Variants in MYO15B observed in about 807,000 individuals in gnomAD.
MYO15B encodes the protein myosin XVB pseudogene.
In MYO15B, 207 loss-of-function variants were observed where a neutral mutation model predicts 119.3. The observed-to-expected ratio is 1.73, with a 90% CI of 1.55 to 1.95. The LOEUF (loss-of-function observed/expected upper bound fraction) is 1.95. MYO15B is among the 30% of genes most tolerant of loss of function. The probability of loss-of-function intolerance (pLI) is 0.00; values close to 1 mark genes in which losing one functional copy is unlikely to be tolerated. For synonymous variants in MYO15B, 966 were observed against 498.9 expected (o/e 1.94, Z -12.48); for missense variants, 2,264 against 1,203.1 (o/e 1.88, Z -13.04).
At chr17:75,621,283 G>T in intron 50 of MYO15B, 62 bp from the exon 51 acceptor site, 1 of 667,164 alleles carries the variant, frequency 1.5e-6, no homozygotes, top group Non-Finnish European at 2.8e-6. Flanking sequence ...TCCCTGCCTG[G>T]CTGGCTGGGA....
chr17:75,615,275 C>T (rs201021990), exon 34 of MYO15B: 19 of 702,576 alleles, frequency 2.7e-5, no homozygotes, highest in Non-Finnish European at 4.7e-5. Context: ...TGCATACCAG[C>T]CAGGCATGGT....
At chr17:75,625,745 C>T (rs987497833) in intron 61 of MYO15B, 85 bp downstream of exon 61, 9 of 701,088 alleles carry the variant, frequency 1.3e-5, no homozygotes, top group Middle Eastern at 6.6e-4. Context: ...GAGGGGTCTG[C>T]GCCTGCCCTG....
At chr17:75,617,060 G>T (rs575044907) in intron 40 of MYO15B, 25 bp from the exon 41 acceptor site, 2 of 686,714 alleles carry the variant, frequency 2.9e-6, no homozygotes, top group Non-Finnish European at 5.4e-6. Context: ...GACTCAGCCC[G>T]TGTACTTTCT....
rs1240811684 is a variant in MYO15B, at chr17:75,620,235, C to T, written c.7444-11C>T. 1.4e-6 allele frequency: 1 copy of T among 702,610 alleles called. No individual in the cohort carries two copies. The highest frequency in any genetic ancestry group is 2.0e-5 in the Admixed American group (1 of 50,018). The allele number at this position is 702,610 out of a possible 1,614,324, so 43.5% of individuals were successfully genotyped here. On this transcript the variant is annotated splice_polypyrimidine_tract_variant and intron_variant, in intron 47 of 63. Transcript: ENST00000645453. ...ACTTGCTGCTCCAGGCCCTCGCCTG[C>T]TTGCCCACAGGACTCCGGCTATGTC... is the stretch of plus-strand genomic sequence containing the variant.
chr17:75,620,383 C>T (rs990125544), intron 48 of MYO15B, 26 bp downstream of exon 48: 7 of 702,770 alleles, frequency 1.0e-5, no homozygotes, highest in African/African-American at 1.7e-5. Flanking sequence ...GGCAGGGGCT[C>T]ACACAGGGAG....
At chr17:75,598,920 C>T (rs889225311) in intron 14 of MYO15B, among the ~76,000 whole-genome samples, 3 of 152,064 alleles carry the variant, frequency 2.0e-5, no homozygotes, top group East Asian at 3.8e-4. Context: ...TTTCTGAGTC[C>T]GAGGTGGGTG....
chr17:75,622,510 A>G (rs2058767391), intron 53 of MYO15B, among the ~76,000 whole-genome samples: 1 of 152,172 alleles, frequency 6.6e-6, no homozygotes, highest in African/African-American at 2.4e-5. Flanking sequence ...TGGGGAGCGG[A>G]TGGTGGGTCC....
At position 75,599,566 on chromosome 17, in the gene MYO15B, C is replaced by G. The variant is rs376476540; in HGVS notation, c.3526-1872C>G. On this transcript the variant is annotated intron_variant, in intron 14 of 63. Transcript: ENST00000645453. ...TCCCAAAGTGCTGGGATTACAGGCA[C>G]AAGCCACCGCACCTGGCCTGAAAGT... Among the ~76,000 whole-genome samples, 494 of 151,992 alleles carry G rather than the reference C, an allele frequency of 3.3e-3. 2 individuals carry two copies. The highest frequency in any genetic ancestry group is 4.3e-3 in the Non-Finnish European group (293 of 67,964).
In MYO15B at chr17:75,620,357, G is replaced by C. The variant is rs1029207661; in HGVS notation, c.7555G>C (p.Gly2519Arg). 1.0e-5 allele frequency: 7 copies of C among 702,856 alleles called. No individual in the cohort carries two copies. The African/African-American group carries it at 1.0e-4, about 11-fold the overall frequency. 43.5% of individuals were successfully genotyped at this position (702,856 alleles called of 1,614,324 possible). ...GCTGCCGGTGGCCACCCTGGAGCCA[G>C]GTATCGCCAGAGGCCGGCAGGGGCT... is the stretch of plus-strand genomic sequence containing the variant. Residue 2519 changes from glycine to arginine, a missense_variant and splice_region_variant, in exon 48 of 64, where the codon GGC becomes CGC. By Grantham distance (125) the Gly-to-Arg change is moderately radical. Transcript: ENST00000645453.
chr17:75,622,630 G>A (rs1374688953), intron 53 of MYO15B, among the ~76,000 whole-genome samples: 1 of 152,216 alleles, frequency 6.6e-6, no homozygotes, highest in Non-Finnish European at 1.5e-5. Flanking sequence ...GGGTCACTCG[G>A]CTGTTGTTTG....
At position 75,589,392 on chromosome 17, in the gene MYO15B, G is replaced by T. The variant is rs902482471; in HGVS notation, c.1335G>T (p.Gly445=). Reference sequence around the variant, plus strand: ...GAGGGGACGAGGGTCGGGGCCGCGGGAAAGCGGACGAAGGGCGGGGCCACG... The same window carrying T: ...GAGGGGACGAGGGTCGGGGCCGCGGTAAAGCGGACGAAGGGCGGGGCCACG... The change falls in exon 1 of 64, where the codon GGG becomes GGT. Residue 445 remains glycine, a synonymous_variant. Coordinates refer to ENST00000645453, the Ensembl canonical transcript of MYO15B. The surrounding 1 kb of genome is among the most constrained non-coding windows in gnomAD (Gnocchi z 4.2). The T allele has an allele frequency of 5.3e-5, 20 of 379,336 alleles. No homozygotes were observed. The East Asian group carries it at 8.3e-4, about 16-fold the overall frequency. The allele number at this position is 379,336 out of a possible 1,614,324, so 23.5% of individuals were successfully genotyped here.
chr17:75,605,317 G>T (rs553306500), intron 19 of MYO15B, among the ~76,000 whole-genome samples, 187 bp from the exon 20 acceptor site: 1 of 151,704 alleles, frequency 6.6e-6, no homozygotes, highest in East Asian at 1.9e-4. Context: ...GGCACCTGTA[G>T]TCCCAGCTAC....
At position 75,602,625 on chromosome 17, in the gene MYO15B, G is replaced by C. The variant is rs975644881; in HGVS notation, c.3729+31G>C. The C allele has an allele frequency of 7.7e-6, 5 of 645,414 alleles. No individual in the cohort carries two copies. The East Asian group carries it at 1.4e-4, about 17-fold the overall frequency. The allele number at this position is 645,414 out of a possible 1,614,324, so 40.0% of individuals were successfully genotyped here. ...CATCTGCCCTTCCAGGCCCCCACCC[G>C]CTCCATACTCTGTCCCCCAATTCTG... On this transcript the variant is annotated intron_variant, in intron 16 of 63. Coordinates refer to ENST00000645453, the Ensembl canonical transcript of MYO15B.
intron 38 of MYO15B, 25 bp downstream of exon 38, chr17:75,616,471 G>C (rs2058377040): frequency 1.2e-5 from 8 of 668,338 alleles, no homozygotes; most frequent in Non-Finnish European, 1.9e-5. Flanking sequence ...GGCAGGGCCT[G>C]GGGCTCCGGT....
chr17:75,615,824 G>T (rs757837227), exon 36 of MYO15B: 155 of 702,452 alleles, frequency 2.2e-4, no homozygotes, highest in Non-Finnish European at 3.5e-4. Context: ...AGCCCAGGAA[G>T]CCCCCCACAC....
rs1598670287 is a variant in MYO15B at position 75,588,638 on chromosome 17, CA to C, written c.586del (p.Thr196ProfsTer173). The C allele has an allele frequency of 1.6e-4, 63 of 400,380 alleles. 1 individual carries two copies. In the East Asian group the frequency reaches 2.2e-3, roughly 14 times the overall value. The allele number at this position is 400,380 out of a possible 1,614,324, so 24.8% of individuals were successfully genotyped here. A position where few individuals can be genotyped will look rare whatever the true frequency, so the allele number is the denominator to read the frequency against. On this transcript the variant is annotated frameshift_variant, in exon 1 of 64. Transcript: ENST00000645453. LOFTEE classifies it high-confidence loss of function. ...CCTACGGACATGGGCTCGGAAGGGA[CA>C]AAAACCGGGCCGGAGTCAGCGCTGG...
chr17:75,593,285 C>T (rs1018989471), intron 9 of MYO15B, among the ~76,000 whole-genome samples: 1 of 150,330 alleles, frequency 6.7e-6, no homozygotes, highest in African/African-American at 2.4e-5. Flanking sequence ...GGGTGGATCA[C>T]TTGAGCCCAG....
rs1465336379 is a variant in MYO15B at position 75,617,342 on chromosome 17, T to G, written c.6814+38T>G. ...ATTTCTCCTGCGCCGTGGGCTTCAC[T>G]GGGGCAGAGGCAGGGTTCGCACAGA... On this transcript the variant is annotated intron_variant, in intron 41 of 63. Transcript: ENST00000645453. 4 of 596,816 alleles carry G rather than the reference T, an allele frequency of 6.7e-6. No individual in the cohort carries two copies. In the South Asian group the frequency reaches 7.8e-5, roughly 12 times the overall value. The allele number at this position is 596,816 out of a possible 1,614,324, so 37.0% of individuals were successfully genotyped here.
rs1182577888 is a variant in MYO15B at position 75,620,029 on chromosome 17, G to T, written c.7443+9G>T. 4.3e-6 allele frequency: 3 copies of T among 697,370 alleles called. No individual in the cohort carries two copies. In the Admixed American group the frequency reaches 6.0e-5, roughly 14 times the overall value. 43.2% of individuals were successfully genotyped at this position (697,370 alleles called of 1,614,324 possible). A position where few individuals can be genotyped will look rare whatever the true frequency, so the allele number is the denominator to read the frequency against. ...TGAATGAGCTTAAGAAGGTAAGTGTGGGGCACGGGTTGAGAGGCCGGGCAG... is the reference window on the plus strand; with the variant it reads ...TGAATGAGCTTAAGAAGGTAAGTGTTGGGCACGGGTTGAGAGGCCGGGCAG... On this transcript the variant is annotated intron_variant, in intron 47 of 63. Transcript: ENST00000645453.
Sources: allele counts gnomAD v4.1 joint callset (sites outside exome capture counted in the v4.1 genomes callset), GRCh38; gene constraint gnomAD v4.1.1; non-coding constraint Gnocchi (gnomAD v3.1); transcripts MANE v1.5; gene names NCBI Gene and HGNC (gene_info 2026-07-23, HGNC 2026-07-21).